The following CSMD1 variants were observed in gnomAD, a reference collection of about 807,000 sequenced individuals.
CSMD1 encodes CUB and sushi domain-containing protein 1.
CSMD1 carries 213 observed loss-of-function variants against 417.5 expected under a neutral mutation model. The ratio of observed to expected loss-of-function variants is 0.51; its 90% CI spans 0.46 to 0.57. The LOEUF (loss-of-function observed/expected upper bound fraction) is 0.57, where lower values mean the gene tolerates loss of function less well. CSMD1 is among the 20% of genes least tolerant of loss of function. CSMD1 has a pLI of 0.00. For synonymous variants in CSMD1, 2,862 were observed against 1,736.8 expected, an observed-to-expected ratio of 1.65 and a Z score of -16.11; for missense variants, 6,923 against 4,529.7, an observed-to-expected ratio of 1.53 and a Z score of -15.17.
intron 2 of CSMD1, among the ~76,000 whole-genome samples, chr8:4,434,145 T>A (rs1382135300): frequency 6.6e-6 from 1 of 152,124 alleles, no homozygotes; most frequent in Non-Finnish European, 1.5e-5. Context: ...TGAGAACAGC[T>A]TGGCCAACAT....
chr8:4,911,523 C>G (rs186044320), intron 1 of CSMD1, among the ~76,000 whole-genome samples: 2 of 152,180 alleles, frequency 1.3e-5, no homozygotes, highest in African/African-American at 2.4e-5. Flanking sequence ...AATAATTTTC[C>G]TTAATCCCAA....
At chr8:3,383,616 C>G (rs1172481781) in intron 18 of CSMD1, among the ~76,000 whole-genome samples, 1 of 152,104 alleles carries the variant, frequency 6.6e-6, no homozygotes, top group Non-Finnish European at 1.5e-5. Context: ...CGAAATGATG[C>G]CAATAAGAGA....
intron 7 of CSMD1, among the ~76,000 whole-genome samples, chr8:3,684,275 A>G (rs1799823634): frequency 6.9e-6 from 1 of 144,350 alleles, no homozygotes; most frequent in Non-Finnish European, 1.5e-5. Context: ...GCTATATGTT[A>G]TATATTATAT....
At chr8:4,447,682 C>G in intron 2 of CSMD1, among the ~76,000 whole-genome samples, 1 of 152,086 alleles carries the variant, frequency 6.6e-6, no homozygotes, top group Non-Finnish European at 1.5e-5. Context: ...CTCCTGTGAC[C>G]TCTTGTTTTA....
At chr8:3,986,095 T>G (rs1185063584) in intron 5 of CSMD1, among the ~76,000 whole-genome samples, 2 of 152,118 alleles carry the variant, frequency 1.3e-5, no homozygotes, top group African/African-American at 4.8e-5. Flanking sequence ...ATCTCGTTCG[T>G]ATCTGGGAGC....
intron 1 of CSMD1, among the ~76,000 whole-genome samples, chr8:4,817,763 G>C (rs1799290951): frequency 6.6e-6 from 1 of 152,156 alleles, no homozygotes; most frequent in African/African-American, 2.4e-5. Flanking sequence ...ACGCTGAGTA[G>C]GTACTCTCAA....
chr8:4,018,543 G>C (rs759200844), intron 4 of CSMD1, among the ~76,000 whole-genome samples: 1 of 152,180 alleles, frequency 6.6e-6, no homozygotes, highest in African/African-American at 2.4e-5. Context: ...GGACCAGCCA[G>C]TTACCTGCTT....
intron 52 of CSMD1, among the ~76,000 whole-genome samples, chr8:3,006,438 G>C (rs188145368): frequency 0.049 from 7,413 of 151,460 alleles, 184 homozygotes; most frequent in East Asian, 0.071. Flanking sequence ...AGTTCATATG[G>C]AACCAAAAAA....
intron 7 of CSMD1, among the ~76,000 whole-genome samples, chr8:3,690,738 G>C (rs890599101): frequency 1.3e-5 from 2 of 152,136 alleles, no homozygotes; most frequent in African/African-American, 4.8e-5. Flanking sequence ...TTTGTACTGA[G>C]ATACTCTTAA....
intron 3 of CSMD1, among the ~76,000 whole-genome samples, chr8:4,104,928 C>G (rs1387081716): frequency 3.3e-5 from 5 of 152,012 alleles, no homozygotes; most frequent in Non-Finnish European, 7.3e-5. Context: ...AATTACACAA[C>G]AGTAGTTTAA....
chr8:3,988,626 T>G (rs558691554), intron 5 of CSMD1, among the ~76,000 whole-genome samples: 1 of 152,304 alleles, frequency 6.6e-6, no homozygotes, highest in Non-Finnish European at 1.5e-5. Flanking sequence ...GAGGAACGTT[T>G]AATAGATAAA....
At chr8:4,658,163 GAGAA>G (rs1288598122) in intron 1 of CSMD1, among the ~76,000 whole-genome samples, 2 of 150,632 alleles carry the variant, frequency 1.3e-5, no homozygotes, top group Non-Finnish European at 3.0e-5. Flanking sequence ...GAAGGAGAAA[GAGAA>G]AGCAGCAGAA....
intron 3 of CSMD1, among the ~76,000 whole-genome samples, chr8:4,102,075 C>T (rs10107716): frequency 0.79 from 120,501 of 152,094 alleles, 47,890 homozygotes; most frequent in African/African-American, 0.83. Flanking sequence ...GTTTTACCTG[C>T]GCTGCACTAA....
At chr8:4,487,012 G>A (rs964524594) in intron 2 of CSMD1, among the ~76,000 whole-genome samples, 1 of 152,114 alleles carries the variant, frequency 6.6e-6, no homozygotes, top group Non-Finnish European at 1.5e-5. Context: ...AGGTGCTGAG[G>A]CTAAACAAAG....
Position 4,136,075 on chromosome 8 carries a change from T to A in CSMD1, c.416-103976A>T, listed in dbSNP as rs188187102. Reference sequence around the variant, plus strand: ...ATGGCACTTGGCAAGAGAAAAAAAATGAACTGACTCAGCAAAAGGACTTCC... The same window carrying A: ...ATGGCACTTGGCAAGAGAAAAAAAAAGAACTGACTCAGCAAAAGGACTTCC... On this transcript the variant is annotated intron_variant, in intron 3 of 69. Coordinates refer to ENST00000635120, the MANE Select transcript of CSMD1 (RefSeq NM_033225.6). Among the ~76,000 whole-genome samples the A allele has an allele frequency of 6.3e-3, 952 of 151,982 alleles. 11 individuals carry two copies. Among genetic ancestry groups the A allele is most frequent in the African/African-American group, 0.021 (889 of 41,446 alleles).
chr8:4,573,174 G>C (rs1478187732), intron 2 of CSMD1, among the ~76,000 whole-genome samples: 1 of 152,158 alleles, frequency 6.6e-6, no homozygotes, highest in African/African-American at 2.4e-5. Context: ...GCAAGGAGTT[G>C]TGATCCTTTG....
At chr8:3,241,573 G>A (rs1234312558) in intron 26 of CSMD1, among the ~76,000 whole-genome samples, 5 of 152,150 alleles carry the variant, frequency 3.3e-5, no homozygotes, top group African/African-American at 1.2e-4. Flanking sequence ...CAGGTGAGTT[G>A]AACAGTCTGA....
At chr8:4,240,634 A>G (rs1293892692) in intron 3 of CSMD1, among the ~76,000 whole-genome samples, 2 of 152,170 alleles carry the variant, frequency 1.3e-5, no homozygotes, top group East Asian at 1.9e-4. Flanking sequence ...TCTCATTCCC[A>G]GTGCCTTTCA....
intron 3 of CSMD1, among the ~76,000 whole-genome samples, chr8:4,073,395 A>T (rs1328672150): frequency 6.6e-6 from 1 of 152,092 alleles, no homozygotes; most frequent in Non-Finnish European, 1.5e-5. Context: ...AAAAAAGTAA[A>T]TTTAGAAGAA....
Sources: gnomAD v4.1 joint callset for allele counts (sites outside exome capture counted in the v4.1 genomes callset) on GRCh38, gnomAD v4.1.1 for gene constraint, MANE v1.5 for transcripts, NCBI Gene and HGNC (gene_info 2026-07-23, HGNC 2026-07-21) for gene names.